DNHD1: variants seen among roughly 807,000 people sequenced by gnomAD.
DNHD1 encodes the protein dynein heavy chain domain 1.
In DNHD1, 383 loss-of-function variants were observed where a neutral mutation model predicts 458.1. That is an observed-to-expected ratio of 0.84 (90% CI 0.77 to 0.91). The LOEUF (loss-of-function observed/expected upper bound fraction) is 0.91, where lower values mean the gene tolerates loss of function less well. Among genes scored for constraint, DNHD1 ranks in the 40% least tolerant of loss-of-function variants. The pLI is 0.00. For synonymous variants in DNHD1, 2,203 were observed against 2,376.9 expected, an observed-to-expected ratio of 0.93 and a Z score of 2.13; for missense variants, 5,336 against 5,866.1, an observed-to-expected ratio of 0.91 and a Z score of 2.95.
chr11:6,544,275 G>T, intron 19 of DNHD1, 29 bp downstream of exon 19: 1 of 1,551,066 alleles, frequency 6.4e-7, no homozygotes, highest in South Asian at 1.2e-5. Context: ...CCAGGCTGAT[G>T]GGTGAGACCT....
chr11:6,530,366 C>T (rs1161397968), intron 12 of DNHD1, among the ~76,000 whole-genome samples: 1 of 152,186 alleles, frequency 6.6e-6, no homozygotes, highest in African/African-American at 2.4e-5. Flanking sequence ...TTTCTTCCTT[C>T]CCATGGGAAG....
chr11:6,540,152 C>T (rs756333131), intron 18 of DNHD1, 69 bp downstream of exon 18: 29 of 1,343,176 alleles, frequency 2.2e-5, no homozygotes, highest in Non-Finnish European at 2.9e-5. Flanking sequence ...CCATATCCAT[C>T]AAGGCCTGCC....
chr11:6,559,378 T>A lies in DNHD1; in HGVS notation c.9519+95T>A. On this transcript the variant is annotated intron_variant, in intron 28 of 42. Coordinates refer to ENST00000254579, the MANE Select transcript of DNHD1 (RefSeq NM_144666.3). ...CAACCAGAATGAACCTTAATTCTTG[T>A]CCCCCTAAGCTTCCCCTTTCCCTAG... The A allele has an allele frequency of 6.6e-6, 7 of 1,061,016 alleles. No individual in the cohort carries two copies. In the South Asian group the frequency reaches 9.6e-5, roughly 15 times the overall value. The allele number at this position is 1,061,016 out of a possible 1,614,324, so 65.7% of individuals were successfully genotyped here. A position where few individuals can be genotyped will look rare whatever the true frequency, so the allele number is the denominator to read the frequency against.
Position 6,564,516 on chromosome 11 carries a change from CA to C in DNHD1, c.10473del (p.Lys3491AsnfsTer24), listed in dbSNP as rs1853655493. The C allele has an allele frequency of 6.4e-7, 1 of 1,551,562 alleles. No individual in the cohort carries two copies. Among genetic ancestry groups the C allele is most frequent in the African/African-American group, 1.4e-5 (1 of 73,034 alleles). ...DDVAQALKRK[Q>X]KSVSIPPKNP... is the part of the protein sequence containing the mutation. ...TGTGGCACAGGCACTGAAGCGGAAG[CA>C]AAAATCTGTCAGCATACCACCAAAG... On this transcript the variant is annotated frameshift_variant, in exon 32 of 43. Coordinates refer to ENST00000254579, the MANE Select transcript of DNHD1 (RefSeq NM_144666.3). LOFTEE classifies it high-confidence loss of function.
intron 36 of DNHD1, 70 bp downstream of exon 36, chr11:6,567,930 AAG>A: frequency 6.7e-7 from 1 of 1,489,066 alleles, no homozygotes; most frequent in Non-Finnish European, 8.9e-7. Context: ...GACCCCCTCC[AAG>A]CATTTTCATG....
Position 6,568,096 on chromosome 11 carries a change from C to A in DNHD1, c.12392C>A (p.Ala4131Asp). The change falls in exon 37 of 43, where the codon GCC (alanine) becomes GAC (aspartate). Residue 4131 changes from alanine to aspartate, a missense_variant. Physicochemically the swap from Ala to Asp is moderately radical, Grantham distance 126. This residue lies in a region of DNHD1 where 695 missense variants were observed against 804.2 expected (regional missense o/e 0.86). Transcript: ENST00000254579. Reference protein sequence around the residue: ...QLQVIALGSEAWDPVSVVVST... With the variant: ...QLQVIALGSEDWDPVSVVVST... ...CAGGTGATAGCCCTGGGCTCTGAAG[C>A]CTGGGACCCAGTCTCAGTTGTGGTC... is the stretch of plus-strand genomic sequence containing the variant. 2 of 1,575,578 alleles carry A rather than the reference C, an allele frequency of 1.3e-6. No individual in the cohort carries two copies.
chr11:6,502,008 T>A (rs560163742), intron 3 of DNHD1, among the ~76,000 whole-genome samples: 1 of 152,358 alleles, frequency 6.6e-6, no homozygotes, highest in Non-Finnish European at 1.5e-5. Flanking sequence ...GATACTGGTA[T>A]ATTCTGACTG....
chr11:6,513,917 C>T (rs2134384017), intron 7 of DNHD1, among the ~76,000 whole-genome samples: 1 of 152,132 alleles, frequency 6.6e-6, no homozygotes, highest in Admixed American at 6.5e-5. Flanking sequence ...AATCTTGGCT[C>T]ACTGCAAGCT....
chr11:6,516,290 T>C (rs771256111), intron 7 of DNHD1, among the ~76,000 whole-genome samples: 11 of 149,114 alleles, frequency 7.4e-5, no homozygotes, highest in Non-Finnish European at 1.5e-4. Context: ...AGTACTCTAA[T>C]CACTTTTTTT....
chr11:6,533,858 C>A lies in DNHD1; in HGVS notation c.2683C>A (p.Gln895Lys). The A allele has an allele frequency of 6.4e-7, 1 of 1,551,196 alleles. No individual in the cohort carries two copies. The highest frequency in any genetic ancestry group is 8.7e-7 in the Non-Finnish European group (1 of 1,146,894). Residue 895 changes from glutamine to lysine, a missense_variant, in exon 14 of 43, where the codon CAA (glutamine) becomes AAA (lysine). Transcript: ENST00000254579. ...SPIPPCPPPP[Q>K]PHLLHCPLLA... The stretch of plus-strand genomic sequence containing the variant: ...CATCCCTCCCTGCCCTCCTCCCCCA[C>A]AACCACATCTACTCCACTGCCCTCT...
intron 4 of DNHD1, 33 bp downstream of exon 4, chr11:6,502,959 C>T (rs767031174): frequency 1.9e-6 from 3 of 1,604,222 alleles, no homozygotes; most frequent in Non-Finnish European, 2.5e-6. Flanking sequence ...CTTCTCCTCC[C>T]CCTGCCTGGT....
chr11:6,533,923 G>A lies in DNHD1; in HGVS notation c.2748G>A (p.Gln916=), dbSNP rs943564654. 1.3e-6 allele frequency: 2 copies of A among 1,551,244 alleles called. No homozygotes were observed. The highest frequency in any genetic ancestry group is 2.0e-5 in the Admixed American group (1 of 50,964). The change falls in exon 14 of 43, where the codon CAG becomes CAA. Residue 916 remains glutamine (Q), a synonymous_variant. Transcript: ENST00000254579. The part of the protein sequence containing the change: ...PQLLDMWEAF[Q]FEKSQASEFL... ...TTCTGGATATGTGGGAGGCATTTCA[G>A]TTTGAGAAAAGCCAGGCTTCAGAGT...
chr11:6,569,686 G>A (rs1853795304), intron 39 of DNHD1, among the ~76,000 whole-genome samples: 2 of 152,206 alleles, frequency 1.3e-5, no homozygotes, highest in Admixed American at 1.3e-4. Context: ...CTCCAGGGAA[G>A]AGATTGTGGT....
intron 14 of DNHD1, among the ~76,000 whole-genome samples, chr11:6,537,930 CA>C (rs908906194): frequency 4.8e-5 from 7 of 146,170 alleles, no homozygotes; most frequent in Admixed American, 6.8e-5. Flanking sequence ...GACTCTGTCT[CA>C]AAAAAAAAAG....
chr11:6,541,307 T>C (rs977978544), intron 18 of DNHD1, among the ~76,000 whole-genome samples: 1 of 152,226 alleles, frequency 6.6e-6, no homozygotes, highest in African/African-American at 2.4e-5. Context: ...AAACAGCAAC[T>C]TTCCCCCCAC....
In DNHD1 at chr11:6,529,011, T is replaced by C; in HGVS notation, c.2237T>C (p.Leu746Pro). ...RGGPIKNYVTLVSRLNVWQAR... is the reference protein window; with the variant it reads ...RGGPIKNYVTPVSRLNVWQAR... ...GGTCCCATCAAGAACTACGTGACGCTGGTGAGCCGCCTGAATGTTTGGCAG... is the reference window on the plus strand; with the variant it reads ...GGTCCCATCAAGAACTACGTGACGCCGGTGAGCCGCCTGAATGTTTGGCAG... The change falls in exon 12 of 43, where the codon CTG becomes CCG. Residue 746 changes from leucine (L) to proline (P), a missense_variant. Leu to Pro is a moderately conservative substitution (Grantham distance 98). Around this residue, in one of 4 missense-constraint regions of DNHD1, gnomAD observed 3,932 missense variants for 4,365.6 expected, o/e 0.90. Transcript: ENST00000254579. 1 of 1,551,514 alleles carries C rather than the reference T, an allele frequency of 6.4e-7. No homozygotes were observed. The highest frequency in any genetic ancestry group is 8.7e-7 in the Non-Finnish European group (1 of 1,146,978).
rs74053420 is a variant in DNHD1, at chr11:6,563,735, C to G, written c.9895C>G (p.Leu3299Val). The G allele has an allele frequency of 6.5e-7, 1 of 1,549,466 alleles. No homozygotes were observed. The highest frequency in any genetic ancestry group is 1.4e-5 in the African/African-American group (1 of 73,026). ...CAAGGAGAAGATAACAGACTCAGAG[C>G]TGATAAAGTTACATCTAATTCTGAA... Reference protein sequence around the residue: ...FPKEKITDSELIKLHLILKAP... With the variant: ...FPKEKITDSEVIKLHLILKAP... The change falls in exon 31 of 43, where the codon CTG becomes GTG. Residue 3299 changes from leucine (L) to valine (V), a missense_variant. Physicochemically the swap from Leu to Val is conservative, Grantham distance 32 (BLOSUM62 1). Coordinates refer to ENST00000254579, the MANE Select transcript of DNHD1 (RefSeq NM_144666.3).
chr11:6,566,924 G>C lies in DNHD1; in HGVS notation c.11415G>C (p.Gln3805His). 6.2e-7 allele frequency: 1 copy of C among 1,613,572 alleles called. No individual in the cohort carries two copies. Among genetic ancestry groups the C allele is most frequent in the Non-Finnish European group, 8.5e-7 (1 of 1,179,688 alleles). ...EERLLTMLLF[Q>H]NPKRQKPAKF... ...GGCTGCTGACGATGCTGCTGTTCCA[G>C]AATCCGAAGCGTCAGAAGCCAGCCA... Residue 3805 changes from glutamine (Q) to histidine (H), a missense_variant, in exon 36 of 43, where the codon CAG (glutamine) becomes CAC (histidine). Coordinates refer to ENST00000254579, the MANE Select transcript of DNHD1 (RefSeq NM_144666.3).
chr11:6,502,951 TCTC>T (rs1038261291), intron 4 of DNHD1, 25 bp downstream of exon 4: 6 of 1,605,842 alleles, frequency 3.7e-6, no homozygotes, highest in Middle Eastern at 1.7e-4. Context: ...CCAGGCCCCT[TCTC>T]CTCCCCCTGC....
Sources: gnomAD v4.1 joint callset for allele counts (sites outside exome capture counted in the v4.1 genomes callset) on GRCh38, gnomAD v4.1.1 for gene constraint, gnomAD v4.1.1 regional missense constraint, MANE v1.5 for transcripts, NCBI Gene and HGNC (gene_info 2026-07-23, HGNC 2026-07-21) for gene names.